Variants in SCAF8 observed in about 807,000 individuals in gnomAD.
SCAF8 encodes SR-related and CTD-associated factor 8.
SCAF8 carries 23 observed loss-of-function variants against 140.5 expected under a neutral mutation model. The ratio of observed to expected loss-of-function variants is 0.16; its 90% CI spans 0.12 to 0.23. The LOEUF is 0.23. Ranked by LOEUF, SCAF8 falls within the 10% of genes least tolerant of loss-of-function variation. The pLI, the probability that SCAF8 is intolerant of heterozygous loss-of-function variation, is 1.00. For missense variants in SCAF8, 1,397 were observed against 1,555.7 expected (o/e 0.90, Z 1.72); for synonymous variants, 575 against 528.9 (o/e 1.09, Z -1.20).
chr6:154,832,640 A>T lies in SCAF8; in HGVS notation c.3061A>T (p.Ile1021Leu). 1 of 1,614,048 alleles carries T rather than the reference A, an allele frequency of 6.2e-7. No homozygotes were observed. The highest frequency in any genetic ancestry group is 8.5e-7 in the Non-Finnish European group (1 of 1,179,944). ...AGATAGAGATTACCGGTTTCCTCCT[A>T]TAGAAACCAGGGAAAGCATTAGTAG... ...EGDRDYRFPP[I>L]ETRESISRPP... Residue 1021 changes from isoleucine (I) to leucine (L), a missense_variant, in exon 20 of 20, where the codon ATA becomes TTA. Coordinates refer to ENST00000367178, the MANE Select transcript of SCAF8 (RefSeq NM_014892.5).
chr6:154,833,591 A>C lies in SCAF8; in HGVS notation c.*196A>C, dbSNP rs899897249. The C allele has an allele frequency of 2.4e-5, 11 of 453,360 alleles. No homozygotes were observed. Among genetic ancestry groups the C allele is most frequent in the African/African-American group, 2.2e-4 (11 of 49,242 alleles). The allele number at this position is 453,360 out of a possible 1,614,324, so 28.1% of individuals were successfully genotyped here. On this transcript the variant is annotated 3_prime_UTR_variant, in exon 20 of 20. Transcript: ENST00000367178. ...GTTCTTAATATGAACATGGTAGGTAAACTTTTTTTTTATTTTTTTCTGATA... is the reference window on the plus strand; with the variant it reads ...GTTCTTAATATGAACATGGTAGGTACACTTTTTTTTTATTTTTTTCTGATA...
chr6:154,810,322 G>A (rs974761711), intron 12 of SCAF8, 114 bp downstream of exon 12: 7 of 672,170 alleles, frequency 1.0e-5, no homozygotes, highest in Non-Finnish European at 1.7e-5. Flanking sequence ...AAAGTGGTTT[G>A]GTAAATGAGT....
chr6:154,802,686 T>C (rs750805235), intron 7 of SCAF8, among the ~76,000 whole-genome samples: 1 of 152,176 alleles, frequency 6.6e-6, no homozygotes, highest in Non-Finnish European at 1.5e-5. Flanking sequence ...TAAAAATAAC[T>C]AGTCAGTAAA....
chr6:154,812,876 C>T (rs1302541844), intron 12 of SCAF8, among the ~76,000 whole-genome samples: 2 of 151,922 alleles, frequency 1.3e-5, no homozygotes, highest in Admixed American at 6.6e-5. Flanking sequence ...ATTAAGGCAG[C>T]TGGAATATGC....
At chr6:154,767,211 C>G (rs1776601219) in intron 1 of SCAF8, among the ~76,000 whole-genome samples, 1 of 152,142 alleles carries the variant, frequency 6.6e-6, no homozygotes, top group East Asian at 1.9e-4. Flanking sequence ...CAGCCAGTGT[C>G]TTCTGTCTTT....
intron 4 of SCAF8, among the ~76,000 whole-genome samples, chr6:154,792,243 C>T (rs894965777): frequency 6.6e-6 from 1 of 152,122 alleles, no homozygotes; most frequent in African/African-American, 2.4e-5. Flanking sequence ...TTGTCCATCT[C>T]TGGTTCAAAG....
chr6:154,804,978 AGAC>A (rs1221592005), intron 8 of SCAF8, among the ~76,000 whole-genome samples: 1 of 152,212 alleles, frequency 6.6e-6, no homozygotes, highest in Non-Finnish European at 1.5e-5. Context: ...ACTGATTGAT[AGAC>A]TGTTTTTCTA....
At chr6:154,735,348 A>T (rs1379622022) in intron 1 of SCAF8, among the ~76,000 whole-genome samples, 1 of 152,142 alleles carries the variant, frequency 6.6e-6, no homozygotes, top group Non-Finnish European at 1.5e-5. Context: ...AATTTCTTTA[A>T]AAAGAAAAAC....
chr6:154,794,781 GTGTGTGTGTGT>G (rs1777546239), intron 5 of SCAF8, among the ~76,000 whole-genome samples: 6 of 7,540 alleles, frequency 8.0e-4, no homozygotes, highest in African/African-American at 3.6e-3. Context: ...GGTGTGGGGG[GTGTGTGTGTGT>G]GTGTGTGTGT....
At chr6:154,735,760 C>T (rs974754364) in intron 1 of SCAF8, among the ~76,000 whole-genome samples, 4 of 152,128 alleles carry the variant, frequency 2.6e-5, no homozygotes, top group African/African-American at 4.8e-5. Context: ...GTGATCCACC[C>T]GCCTTGGCCT....
At chr6:154,770,388 A>ACACACACTCTCTCTCTCTCTCTCTCTCT (rs1384942827) in intron 1 of SCAF8, among the ~76,000 whole-genome samples, 2 of 141,994 alleles carry the variant, frequency 1.4e-5, no homozygotes, top group African/African-American at 2.6e-5. Context: ...ACACACACAC[A>ACACACACTCTCTCTCTCTCTCTCTCTCT]CTCTCTCTCT....
chr6:154,832,567 C>T lies in SCAF8; in HGVS notation c.2988C>T (p.Asn996=). ...PGRQSVDNVT[N]PEKRIPLGND... ...GACAAAGCGTAGACAATGTTACTAA[C>T]CCAGAAAAAAGGATACCACTTGGGA... is the stretch of plus-strand genomic sequence containing the variant. The change falls in exon 20 of 20, where the codon AAC becomes AAT. Residue 996 remains asparagine, a synonymous_variant. Transcript: ENST00000367178. 6.2e-7 allele frequency: 1 copy of T among 1,613,970 alleles called. No homozygotes were observed. Among genetic ancestry groups the T allele is most frequent in the Non-Finnish European group, 8.5e-7 (1 of 1,179,980 alleles).
chr6:154,736,483 G>C (rs553816873), intron 1 of SCAF8, among the ~76,000 whole-genome samples: 69 of 151,986 alleles, frequency 4.5e-4, no homozygotes, highest in African/African-American at 1.6e-3. Flanking sequence ...CGTTGGCCAG[G>C]CTGGTCTCGA....
chr6:154,816,788 T>A (rs1778263453), intron 13 of SCAF8, among the ~76,000 whole-genome samples: 1 of 152,226 alleles, frequency 6.6e-6, no homozygotes, highest in Non-Finnish European at 1.5e-5. Context: ...AGTAACAGAA[T>A]TCTTTATTTG....
chr6:154,764,097 C>T (rs977360495), intron 1 of SCAF8, among the ~76,000 whole-genome samples: 14 of 152,174 alleles, frequency 9.2e-5, no homozygotes, highest in African/African-American at 3.1e-4. Context: ...ATTGATTTGA[C>T]TTATAGAAGT....
intron 15 of SCAF8, among the ~76,000 whole-genome samples, chr6:154,822,008 A>G (rs1201024097): frequency 2.0e-5 from 3 of 152,206 alleles, no homozygotes; most frequent in South Asian, 2.1e-4. Flanking sequence ...TGAGATACAT[A>G]TCTATTGTAT....
intron 1 of SCAF8, among the ~76,000 whole-genome samples, chr6:154,744,833 T>A (rs1778657418): frequency 6.6e-6 from 1 of 152,226 alleles, no homozygotes; most frequent in Non-Finnish European, 1.5e-5. Flanking sequence ...TTTCTGTGCC[T>A]CCTGTAACCA....
At chr6:154,758,209 G>A (rs1217417060) in intron 1 of SCAF8, among the ~76,000 whole-genome samples, 1 of 152,220 alleles carries the variant, frequency 6.6e-6, no homozygotes, top group East Asian at 1.9e-4. Flanking sequence ...ACCGTGCCTG[G>A]CCAAGTTTCA....
rs547337500 is a variant in SCAF8 at position 154,757,914 on chromosome 6, T to C, written c.31-16075T>C. 2.0e-3 allele frequency among the ~76,000 whole-genome samples: 295 copies of C among 150,698 alleles called. 1 individual carries two copies. Among genetic ancestry groups the C allele is most frequent in the African/African-American group, 6.7e-3 (274 of 40,992 alleles). ...GGTATGTGAAGTAAGTTTCACTTTT[T>C]TTTTTTTTTTTTTTGAGTTGGAGTC... On this transcript the variant is annotated intron_variant, in intron 1 of 19. Transcript: ENST00000367178.
Sources: gnomAD v4.1 joint callset for allele counts (sites outside exome capture counted in the v4.1 genomes callset) on GRCh38, gnomAD v4.1.1 for gene constraint, MANE v1.5 for transcripts, NCBI Gene and HGNC (gene_info 2026-07-23, HGNC 2026-07-21) for gene names.